The following GRIN2A variants were observed in gnomAD, a reference collection of about 807,000 sequenced individuals.
The protein encoded by GRIN2A is glutamate receptor ionotropic, NMDA 2A.
GRIN2A carries 22 observed loss-of-function variants against 113.4 expected under a neutral mutation model. The observed-to-expected ratio is 0.19, with a 90% CI of 0.14 to 0.28. The LOEUF is 0.28. GRIN2A is among the 10% of genes least tolerant of loss of function. GRIN2A has a pLI of 1.00. For synonymous variants in GRIN2A, 827 were observed against 738.4 expected (o/e 1.12, Z -1.94); for missense variants, 1,502 against 1,887.0 (o/e 0.80, Z 3.78).
intron 2 of GRIN2A, chr16:10,112,789 A>G: frequency 1.4e-6 from 1 of 696,080 alleles, no homozygotes; most frequent in South Asian, 1.4e-5. Flanking sequence ...TCCATGATGT[A>G]CTCAGGAGAG....
intron 4 of GRIN2A, among the ~76,000 whole-genome samples, chr16:9,860,766 G>T (rs895542818): frequency 1.6e-4 from 24 of 152,110 alleles, no homozygotes; most frequent in African/African-American, 5.8e-4. Context: ...GAAAAGAGAT[G>T]GGCTGTAGGG....
intron 10 of GRIN2A, among the ~76,000 whole-genome samples, chr16:9,815,527 G>A (rs60086276): frequency 9.9e-5 from 15 of 151,714 alleles, no homozygotes; most frequent in Admixed American, 4.6e-4. Flanking sequence ...GGTAAAAAGC[G>A]CTCGATACCA....
At chr16:10,034,298 G>C (rs1047548759) in intron 2 of GRIN2A, among the ~76,000 whole-genome samples, 1 of 152,004 alleles carries the variant, frequency 6.6e-6, no homozygotes, top group African/African-American at 2.4e-5. Flanking sequence ...GCTGAGGAAG[G>C]CTGATCACTT....
intron 2 of GRIN2A, among the ~76,000 whole-genome samples, chr16:10,019,289 A>G (rs1185927722): frequency 6.6e-6 from 1 of 152,218 alleles, no homozygotes; most frequent in Admixed American, 6.5e-5. Context: ...TGATACATGA[A>G]AGCTACTGTT....
chr16:9,909,994 C>A (rs1283321931), intron 3 of GRIN2A, among the ~76,000 whole-genome samples: 1 of 152,140 alleles, frequency 6.6e-6, no homozygotes, highest in African/African-American at 2.4e-5. Context: ...GCCTCTTTCA[C>A]GTAGCCTAAT....
At position 10,180,064 on chromosome 16, in the gene GRIN2A, G is replaced by C. The variant is rs1373259478; in HGVS notation, c.348C>G (p.Ile116Met). 6.2e-7 allele frequency: 1 copy of C among 1,614,168 alleles called. No homozygotes were observed. ...QEAVAQMLDFISSHTFVPILG... is the reference protein window; with the variant it reads ...QEAVAQMLDFMSSHTFVPILG... ...AGATGGGGACGAAGGTGTGGGAGGA[G>C]ATAAAATCCAGCATCTGGGCTACGG... Residue 116 changes from isoleucine to methionine, a missense_variant, in exon 2 of 13, where the codon ATC (isoleucine) becomes ATG (methionine). Around this residue, in one of 7 missense-constraint regions of GRIN2A, gnomAD observed 149 missense variants for 179.1 expected, o/e 0.83. Transcript: ENST00000330684. This position sits in a 1 kb window ranked among gnomAD's most constrained non-coding sequence, Gnocchi z 7.0.
chr16:10,031,505 C>T (rs2046928352), intron 2 of GRIN2A: 1 of 152,274 alleles, frequency 6.6e-6, no homozygotes. Flanking sequence ...AACGTCATCT[C>T]TCTAAGGCAG....
At chr16:9,980,787 A>G (rs2141773801) in intron 2 of GRIN2A, among the ~76,000 whole-genome samples, 1 of 140,090 alleles carries the variant, frequency 7.1e-6, no homozygotes, top group South Asian at 2.3e-4. Context: ...GAACTGAACA[A>G]TGAGAACACA....
At chr16:10,042,813 C>A (rs2047189132) in intron 2 of GRIN2A, among the ~76,000 whole-genome samples, 1 of 152,154 alleles carries the variant, frequency 6.6e-6, no homozygotes, top group African/African-American at 2.4e-5. Flanking sequence ...TAAAATCTCT[C>A]TTCTGCCACA....
chr16:10,154,637 A>G (rs114123908), intron 2 of GRIN2A, among the ~76,000 whole-genome samples: 128 of 152,264 alleles, frequency 8.4e-4, no homozygotes, highest in African/African-American at 2.9e-3. Context: ...CTCACTGAGG[A>G]CAGCTGGGAA....
intron 10 of GRIN2A, among the ~76,000 whole-genome samples, chr16:9,810,261 C>T (rs1218837184): frequency 3.3e-5 from 5 of 152,158 alleles, no homozygotes; most frequent in South Asian, 4.1e-4. Flanking sequence ...CCACAGCACA[C>T]CCAGATAAAG....
At chr16:10,093,618 G>GAAA (rs199838522) in intron 2 of GRIN2A, among the ~76,000 whole-genome samples, 96 of 145,466 alleles carry the variant, frequency 6.6e-4, no homozygotes, top group East Asian at 2.6e-3. Flanking sequence ...GCAACAAAGT[G>GAAA]AAAAAAAAAA....
chr16:9,952,179 C>T (rs1484193380), intron 2 of GRIN2A, among the ~76,000 whole-genome samples: 1 of 152,184 alleles, frequency 6.6e-6, no homozygotes, highest in Non-Finnish European at 1.5e-5. Flanking sequence ...GCTCAACCCA[C>T]CCTCAGCATG....
intron 2 of GRIN2A, among the ~76,000 whole-genome samples, chr16:9,942,449 T>C (rs536775275): frequency 6.6e-6 from 1 of 152,112 alleles, no homozygotes; most frequent in South Asian, 2.1e-4. Context: ...ACCTATAAGA[T>C]AGGAATAATG....
chr16:9,786,796 C>T (rs1902256647), intron 11 of GRIN2A, among the ~76,000 whole-genome samples: 1 of 152,182 alleles, frequency 6.6e-6, no homozygotes, highest in African/African-American at 2.4e-5. Context: ...GACTCAGTTT[C>T]CTCATATGTA....
chr16:10,125,070 T>C (rs1209275124), intron 2 of GRIN2A, among the ~76,000 whole-genome samples: 3 of 152,168 alleles, frequency 2.0e-5, no homozygotes, highest in Non-Finnish European at 4.4e-5. Context: ...GGTCTCTTCA[T>C]AGGCCATGGT....
chr16:10,113,731 C>T (rs932025512), intron 2 of GRIN2A, among the ~76,000 whole-genome samples: 3 of 152,146 alleles, frequency 2.0e-5, no homozygotes, highest in African/African-American at 7.2e-5. Context: ...CATACATACA[C>T]ATGCACATCA....
rs775325646 is a variant in GRIN2A, at chr16:9,764,268, G to A, written c.3276C>T (p.Ser1092=). 2 of 1,613,980 alleles carry A rather than the reference G, an allele frequency of 1.2e-6. No individual in the cohort carries two copies. The highest frequency in any genetic ancestry group is 1.3e-5 in the African/African-American group (1 of 74,970). The part of the protein sequence containing the change: ...TKDNFKRSVA[S]KYPKDCSEVE... ...CCTCACTACAGTCCTTGGGGTATTT[G>A]GAGGCCACTGACCTTTTAAAGTTGT... is the stretch of plus-strand genomic sequence containing the variant. Residue 1092 remains serine (S), a synonymous_variant, in exon 13 of 13, where the codon TCC becomes TCT. Coordinates refer to ENST00000330684, the MANE Select transcript of GRIN2A (RefSeq NM_001134407.3).
At chr16:10,114,839 C>G (rs1430162560) in intron 2 of GRIN2A, among the ~76,000 whole-genome samples, 1 of 152,192 alleles carries the variant, frequency 6.6e-6, no homozygotes, top group Non-Finnish European at 1.5e-5. Context: ...AGTCACGCCC[C>G]CGATGTGCCA....
Sources: allele counts gnomAD v4.1 joint callset (sites outside exome capture counted in the v4.1 genomes callset), GRCh38; gene constraint gnomAD v4.1.1; regional missense constraint gnomAD v4.1.1; non-coding constraint Gnocchi (gnomAD v3.1); transcripts MANE v1.5; gene names NCBI Gene and HGNC (gene_info 2026-07-23, HGNC 2026-07-21).